The following ZNF385B variants were observed in gnomAD, a reference collection of about 807,000 sequenced individuals.
The protein encoded by ZNF385B is zinc finger protein 385B, also known as zinc finger protein 533.
In ZNF385B, 23 loss-of-function variants were observed where a neutral mutation model predicts 39.2. That is an observed-to-expected ratio of 0.59 (90% confidence interval 0.42 to 0.83). The LOEUF (loss-of-function observed/expected upper bound fraction) is 0.83, where lower values mean the gene tolerates loss of function less well. ZNF385B is among the 40% of genes least tolerant of loss of function. The pLI is 0.00. For missense variants in ZNF385B, 552 were observed against 598.9 expected, an observed-to-expected ratio of 0.92 and a Z score of 0.82; for synonymous variants, 205 against 222.6, an observed-to-expected ratio of 0.92 and a Z score of 0.70.
chr2:179,816,480 T>A (rs1707079364), intron 1 of ZNF385B, among the ~76,000 whole-genome samples: 1 of 152,236 alleles, frequency 6.6e-6, no homozygotes, highest in Admixed American at 6.5e-5. Flanking sequence ...AAGTCTCTAA[T>A]GACTTCGTAT....
chr2:179,603,447 G>T (rs967761924), intron 3 of ZNF385B, among the ~76,000 whole-genome samples: 3 of 152,086 alleles, frequency 2.0e-5, no homozygotes, highest in Admixed American at 6.6e-5. Context: ...TTAAAATAGG[G>T]TTTCAGAATC....
At chr2:179,495,368 T>A (rs2105694326) in intron 5 of ZNF385B, among the ~76,000 whole-genome samples, 1 of 152,274 alleles carries the variant, frequency 6.6e-6, no homozygotes, top group Non-Finnish European at 1.5e-5. Flanking sequence ...CTTCTAAGGT[T>A]TTTGACTCTA....
intron 6 of ZNF385B, among the ~76,000 whole-genome samples, chr2:179,474,915 A>G (rs547679002): frequency 1.5e-4 from 23 of 152,296 alleles, no homozygotes; most frequent in Admixed American, 9.2e-4. Context: ...TGATCCATAC[A>G]ACATATCCAT....
chr2:179,769,203 C>T (rs1300256749), intron 3 of ZNF385B, among the ~76,000 whole-genome samples: 3 of 152,114 alleles, frequency 2.0e-5, no homozygotes, highest in Non-Finnish European at 4.4e-5. Flanking sequence ...GCATTTTAAA[C>T]ACATTTCAAA....
chr2:179,699,464 G>T (rs1039720057), intron 3 of ZNF385B, among the ~76,000 whole-genome samples: 2 of 152,228 alleles, frequency 1.3e-5, no homozygotes, highest in African/African-American at 2.4e-5. Flanking sequence ...CACGCCATTT[G>T]TAGACATAAT....
intron 3 of ZNF385B, among the ~76,000 whole-genome samples, chr2:179,551,344 A>T (rs1312336962): frequency 6.6e-6 from 1 of 152,100 alleles, no homozygotes; most frequent in East Asian, 1.9e-4. Context: ...AGAATAGAAA[A>T]TTCCAGACAG....
intron 4 of ZNF385B, among the ~76,000 whole-genome samples, chr2:179,533,172 G>A (rs1475747254): frequency 1.1e-4 from 17 of 152,082 alleles, no homozygotes; most frequent in Admixed American, 2.6e-4. Flanking sequence ...AGGCCTGTGA[G>A]GCAGCAGCAC....
intron 1 of ZNF385B, among the ~76,000 whole-genome samples, chr2:179,853,341 T>TG (rs1283638913): frequency 1.3e-5 from 2 of 152,340 alleles, no homozygotes; most frequent in South Asian, 4.1e-4. Flanking sequence ...ATTCCAGGTT[T>TG]ATACATGTGT....
At chr2:179,779,566 T>C (rs1252589099) in intron 1 of ZNF385B, among the ~76,000 whole-genome samples, 1 of 152,200 alleles carries the variant, frequency 6.6e-6, no homozygotes, top group Non-Finnish European at 1.5e-5. Context: ...GTCATGTGGA[T>C]GTGGACAAGT....
chr2:179,623,382 C>G (rs1690384302), intron 3 of ZNF385B, among the ~76,000 whole-genome samples: 1 of 152,034 alleles, frequency 6.6e-6, no homozygotes, highest in South Asian at 2.1e-4. Flanking sequence ...TATGAGAGCA[C>G]AAATGGCTAA....
intron 3 of ZNF385B, among the ~76,000 whole-genome samples, chr2:179,566,299 C>T (rs1210671319): frequency 2.0e-5 from 3 of 152,104 alleles, no homozygotes; most frequent in African/African-American, 7.2e-5. Context: ...AATAATAATT[C>T]CTGGGATAGT....
intron 1 of ZNF385B, among the ~76,000 whole-genome samples, chr2:179,836,372 C>G (rs1380778384): frequency 6.6e-6 from 1 of 152,180 alleles, no homozygotes; most frequent in Non-Finnish European, 1.5e-5. Context: ...GCAGGTTAAA[C>G]TCTGTATTGC....
At chr2:179,693,326 T>A (rs1371979398) in intron 3 of ZNF385B, among the ~76,000 whole-genome samples, 1 of 152,206 alleles carries the variant, frequency 6.6e-6, no homozygotes, top group East Asian at 1.9e-4. Context: ...TCAGGTGGGA[T>A]GCTGAATGAC....
rs1410499315 is a variant in ZNF385B at position 179,491,128 on chromosome 2, AT to A, written c.553-7695del. Reference sequence around the variant, plus strand: ...ACCTAATGGAAGTAGTTTTATATGAATTTTTCAACATAGGTAATGAGTAATA... The same window carrying A: ...ACCTAATGGAAGTAGTTTTATATGAATTTTCAACATAGGTAATGAGTAATA... On this transcript the variant is annotated intron_variant, in intron 5 of 9. Coordinates refer to ENST00000410066, the MANE Select transcript of ZNF385B (RefSeq NM_152520.6). Among the ~76,000 whole-genome samples the A allele has an allele frequency of 2.6e-5, 4 of 152,138 alleles. 1 individual carries two copies. Among genetic ancestry groups the A allele is most frequent in the Admixed American group, 2.6e-4 (4 of 15,272 alleles).
intron 5 of ZNF385B, among the ~76,000 whole-genome samples, chr2:179,497,449 T>A (rs1368105932): frequency 6.6e-6 from 1 of 152,156 alleles, no homozygotes; most frequent in Non-Finnish European, 1.5e-5. Context: ...TTCTTTTTGC[T>A]TGTATGTTTA....
intron 1 of ZNF385B, among the ~76,000 whole-genome samples, chr2:179,801,834 A>G (rs1424196240): frequency 1.3e-5 from 2 of 152,162 alleles, no homozygotes; most frequent in Non-Finnish European, 2.9e-5. Context: ...AAAATTACAG[A>G]ATGTCTGACA....
chr2:179,698,821 G>C (rs1654646748), intron 3 of ZNF385B, among the ~76,000 whole-genome samples: 1 of 151,980 alleles, frequency 6.6e-6, no homozygotes, highest in African/African-American at 2.4e-5. Flanking sequence ...TCTAAACTTT[G>C]CAGTCAAGCT....
intron 3 of ZNF385B, among the ~76,000 whole-genome samples, chr2:179,768,336 A>T (rs1251801578): frequency 6.6e-6 from 1 of 152,114 alleles, no homozygotes; most frequent in Non-Finnish European, 1.5e-5. Context: ...TGGAAAAATA[A>T]TTTTTCTACT....
At chr2:179,742,031 C>T (rs945286257) in intron 3 of ZNF385B, among the ~76,000 whole-genome samples, 6 of 151,714 alleles carry the variant, frequency 4.0e-5, no homozygotes, top group East Asian at 1.9e-4. Flanking sequence ...AGGAAAATCC[C>T]GAAAATATTC....
Sources: gnomAD v4.1 joint callset for allele counts (sites outside exome capture counted in the v4.1 genomes callset) on GRCh38, gnomAD v4.1.1 for gene constraint, MANE v1.5 for transcripts, NCBI Gene and HGNC (gene_info 2026-07-23, HGNC 2026-07-21) for gene names.